ZSCAN10: variants seen among roughly 807,000 people sequenced by gnomAD.
ZSCAN10 encodes the protein zinc finger and SCAN domain-containing protein 10.
Under a neutral mutation model 63.7 loss-of-function variants are expected in ZSCAN10, and 52 were observed. The observed-to-expected ratio is 0.82, with a 90% CI of 0.65 to 1.03. The LOEUF is 1.03. ZSCAN10 is among the 50% of genes least tolerant of loss of function. The pLI is 0.00. For missense variants in ZSCAN10, 1,223 were observed against 1,103.8 expected (o/e 1.11, Z -1.53); for synonymous variants, 544 against 479.6 (o/e 1.13, Z -1.76).
intron 5 of ZSCAN10, 76 bp from the exon 6 acceptor site, chr16:3,090,722 T>G: frequency 6.9e-7 from 1 of 1,444,258 alleles, no homozygotes; most frequent in Non-Finnish European, 9.1e-7. Context: ...CTGATTGGCC[T>G]GGAAGTGGAA....
Position 3,089,832 on chromosome 16 carries a change from G to A in ZSCAN10, c.1602C>T (p.Ser534=), listed in dbSNP as rs762236567. The A allele has an allele frequency of 3.8e-6, 6 of 1,560,838 alleles. No homozygotes were observed. The highest frequency in any genetic ancestry group is 1.4e-5 in the African/African-American group (1 of 73,806). ...CCCTCCGGTGGGCCACCAGGTGCTC[G>A]CTGCGCCGGAAGGCCTTGCCGCAGT... ...CSDCGKAFRR[S]EHLVAHRRVH... The change falls in exon 6 of 6, where the codon AGC becomes AGT. Residue 534 remains serine, a synonymous_variant. Transcript: ENST00000576985.
rs1374242695 is a variant in ZSCAN10, at chr16:3,089,858, C to T, written c.1576G>A (p.Asp526Asn). The change falls in exon 6 of 6, where the codon GAC becomes AAC. Residue 526 changes from aspartate to asparagine, a missense_variant. Physicochemically the swap from Asp to Asn is conservative, Grantham distance 23. Coordinates refer to ENST00000576985, the MANE Select transcript of ZSCAN10 (RefSeq NM_032805.3). The stretch of plus-strand genomic sequence containing the variant: ...CTGCGCCGGAAGGCCTTGCCGCAGT[C>T]GCTGCACACGAAGGGCCTCCGGTCG... ...DSDRRPFVCS[D>N]CGKAFRRSEH... 9.1e-6 allele frequency: 14 copies of T among 1,541,776 alleles called. No individual in the cohort carries two copies. Among genetic ancestry groups the T allele is most frequent in the Non-Finnish European group, 1.0e-5 (12 of 1,149,274 alleles).
At chr16:3,094,445 C>A (rs985814049) in intron 1 of ZSCAN10, among the ~76,000 whole-genome samples, 2 of 152,152 alleles carry the variant, frequency 1.3e-5, no homozygotes, top group African/African-American at 4.8e-5. Flanking sequence ...TCGCGGGTTC[C>A]GGTGATTCTC....
At chr16:3,093,160 G>A in intron 1 of ZSCAN10, 156 bp from the exon 2 acceptor site, 1 of 453,742 alleles carries the variant, frequency 2.2e-6, no homozygotes, top group South Asian at 1.1e-4. Flanking sequence ...CCCGGTCTCA[G>A]GGTTACCAAC....
intron 4 of ZSCAN10, 48 bp downstream of exon 4, chr16:3,091,716 G>C: frequency 6.3e-7 from 1 of 1,592,612 alleles, no homozygotes; most frequent in Non-Finnish European, 8.6e-7. Flanking sequence ...CTACAGGGTA[G>C]AGAAGTTCCT....
chr16:3,089,183 GC>G lies in ZSCAN10; in HGVS notation c.2250del (p.Arg750SerfsTer87), dbSNP rs1567162646. The G allele has an allele frequency of 3.8e-6, 6 of 1,576,134 alleles. No individual in the cohort carries two copies. On this transcript the variant is annotated frameshift_variant, in exon 6 of 6. Coordinates refer to ENST00000576985, the MANE Select transcript of ZSCAN10 (RefSeq NM_032805.3). LOFTEE classifies it high-confidence loss of function. Reference sequence around the variant, plus strand: ...CGGCCACACTGCGTGCAGGAGTAGGGCCTGGCGCCCGTGTGCACCAGCAGGT... The same window carrying G: ...CGGCCACACTGCGTGCAGGAGTAGGGCTGGCGCCCGTGTGCACCAGCAGGT... ...LRHLLVHTGARPYSCTQCGRS... is the reference protein window; with the variant it reads ...LRHLLVHTGAXPYSCTQCGRS...
chr16:3,089,266 G>C lies in ZSCAN10; in HGVS notation c.2168C>G (p.Pro723Arg). The change falls in exon 6 of 6, where the codon CCG (proline) becomes CGG (arginine). Residue 723 changes from proline (P) to arginine (R), a missense_variant. By Grantham distance (103) the Pro-to-Arg change is moderately radical. Coordinates refer to ENST00000576985, the MANE Select transcript of ZSCAN10 (RefSeq NM_032805.3). ...AEPGQEQAEPPQECVECGKSF... is the reference protein window; with the variant it reads ...AEPGQEQAEPRQECVECGKSF... ...CTTCCCGCACTCCACGCACTCCTGC[G>C]GGGGCTCGGCCTGCTCCTGCCCGGG... 1.9e-6 allele frequency: 3 copies of C among 1,571,448 alleles called. No homozygotes were observed. The highest frequency in any genetic ancestry group is 8.6e-7 in the Non-Finnish European group (1 of 1,166,534).
At chr16:3,092,446 C>A in intron 2 of ZSCAN10, 96 bp downstream of exon 2, 2 of 1,478,548 alleles carry the variant, frequency 1.4e-6, no homozygotes, top group South Asian at 2.7e-5. Flanking sequence ...AAGGAATGGT[C>A]AGGTGGGGGA....
intron 5 of ZSCAN10, among the ~76,000 whole-genome samples, chr16:3,090,993 C>T (rs977000990): frequency 2.0e-5 from 3 of 152,036 alleles, no homozygotes; most frequent in Admixed American, 6.5e-5. Flanking sequence ...TCGATTGAAC[C>T]CGGGAGGCGG....
At position 3,089,350 on chromosome 16, in the gene ZSCAN10, C is replaced by T. The variant is rs1328557047; in HGVS notation, c.2084G>A (p.Cys695Tyr). 1 of 1,594,828 alleles carries T rather than the reference C, an allele frequency of 6.3e-7. No individual in the cohort carries two copies. The highest frequency in any genetic ancestry group is 1.1e-5 in the South Asian group (1 of 90,368). The change falls in exon 6 of 6, where the codon TGC becomes TAC. Residue 695 changes from cysteine (C) to tyrosine (Y), a missense_variant. By Grantham distance (194) the Cys-to-Tyr change is radical. Coordinates refer to ENST00000576985, the MANE Select transcript of ZSCAN10 (RefSeq NM_032805.3). The stretch of plus-strand genomic sequence containing the variant: ...CGCGTTGCGCCGGAAGCTGCGACCG[C>T]ACGTCTGACAGCTGTAGGGCCGCTC... Reference protein sequence around the residue: ...TGERPYSCQTCGRSFRRNAHL... With the variant: ...TGERPYSCQTYGRSFRRNAHL...
chr16:3,092,322 C>A lies in ZSCAN10; in HGVS notation c.397-6G>T. The A allele has an allele frequency of 1.3e-6, 2 of 1,591,482 alleles. No homozygotes were observed. Among genetic ancestry groups the A allele is most frequent in the South Asian group, 1.1e-5 (1 of 87,746 alleles). ...CCAGCATTACAACTAAAATCCTGTT[C>A]AAAACACATTCAAGTTAAGTGACTC... On this transcript the variant is annotated splice_polypyrimidine_tract_variant and splice_region_variant and intron_variant, in intron 2 of 5. Transcript: ENST00000576985.
rs1957036654 is a variant in ZSCAN10, at chr16:3,089,596, T to G, written c.1838A>C (p.Lys613Thr). ...CAGATCCTGGGTCTGGCCGAAACTC[T>G]TCCCGCACTGGGTGCAGTGGTGGGG... The part of the protein sequence containing the change: ...PRPHHCTQCG[K>T]SFGQTQDLAR... Residue 613 changes from lysine (K) to threonine (T), a missense_variant, in exon 6 of 6, where the codon AAG (lysine) becomes ACG (threonine). By Grantham distance (78) the Lys-to-Thr change is moderately conservative. Coordinates refer to ENST00000576985, the MANE Select transcript of ZSCAN10 (RefSeq NM_032805.3). The G allele has an allele frequency of 6.3e-7, 1 of 1,586,736 alleles. No homozygotes were observed. The highest frequency in any genetic ancestry group is 1.1e-5 in the South Asian group (1 of 87,814).
intron 4 of ZSCAN10, 51 bp from the exon 5 acceptor site, chr16:3,091,648 C>A: frequency 6.2e-7 from 1 of 1,612,562 alleles, no homozygotes; most frequent in Non-Finnish European, 8.5e-7. Context: ...CCTCAGGAAC[C>A]TGTGGGGACT....
At position 3,089,530 on chromosome 16, in the gene ZSCAN10, C is replaced by A; in HGVS notation, c.1904G>T (p.Arg635Leu). 1 of 1,601,754 alleles carries A rather than the reference C, an allele frequency of 6.2e-7. No homozygotes were observed. Among genetic ancestry groups the A allele is most frequent in the Non-Finnish European group, 8.5e-7 (1 of 1,175,138 alleles). ...GAAGCCCTCACCGCACTCGCTGCAG[C>A]GGCAGGGCTTCTCGCCCGTGTGGCT... ...QRSHTGEKPCRCSECGEGFSQ... is the reference protein window; with the variant it reads ...QRSHTGEKPCLCSECGEGFSQ... The change falls in exon 6 of 6, where the codon CGC (arginine) becomes CTC (leucine). Residue 635 changes from arginine to leucine, a missense_variant. Arg to Leu is a moderately radical substitution (Grantham distance 102). Coordinates refer to ENST00000576985, the MANE Select transcript of ZSCAN10 (RefSeq NM_032805.3).
chr16:3,088,965 A>C lies in ZSCAN10; in HGVS notation c.*126T>G, dbSNP rs2151213085. 7.5e-4 allele frequency: 913 copies of C among 1,216,532 alleles called. No homozygotes were observed. Among genetic ancestry groups the C allele is most frequent in the Middle Eastern group, 1.2e-3 (4 of 3,386 alleles). 75.4% of individuals were successfully genotyped at this position (1,216,532 alleles called of 1,614,324 possible). ...CAGAAAGCAATGCCTCGGCCAGGGA[A>C]GGACAGCTGTGAAAGTGGAAGGAGA... On this transcript the variant is annotated 3_prime_UTR_variant, in exon 6 of 6. Coordinates refer to ENST00000576985, the MANE Select transcript of ZSCAN10 (RefSeq NM_032805.3).
chr16:3,090,098 T>C lies in ZSCAN10; in HGVS notation c.1336A>G (p.Ser446Gly). 7 of 1,602,930 alleles carry C rather than the reference T, an allele frequency of 4.4e-6. No homozygotes were observed. Among genetic ancestry groups the C allele is most frequent in the Non-Finnish European group, 5.9e-6 (7 of 1,178,112 alleles). The part of the protein sequence containing the change: ...ECGRGFQRRA[S>G]LVQHLLAHAQ... ...TGCGCCAGCAGGTGCTGCACAAGGC[T>C]GGCGCGGCGCTGGAAGCCGCGGCCG... is the stretch of plus-strand genomic sequence containing the variant. Residue 446 changes from serine to glycine, a missense_variant, in exon 6 of 6, where the codon AGC becomes GGC. Ser to Gly is a moderately conservative substitution (Grantham distance 56, BLOSUM62 0). Coordinates refer to ENST00000576985, the MANE Select transcript of ZSCAN10 (RefSeq NM_032805.3).
At position 3,092,275 on chromosome 16, in the gene ZSCAN10, G is replaced by A. The variant is rs369037453; in HGVS notation, c.438C>T (p.Asp146=). The A allele has an allele frequency of 8.7e-5, 140 of 1,612,316 alleles. No homozygotes were observed. Among genetic ancestry groups the A allele is most frequent in the Non-Finnish European group, 1.1e-4 (134 of 1,179,568 alleles). ...CACACCCCTTTTCCTCCAAGGTGAC[G>A]TCTGCACGGGGACAACTCTTGCCAG... The part of the protein sequence containing the change: ...CNAGKSCPRA[D]VTLEEKGCAS... Residue 146 remains aspartate (D), a synonymous_variant, in exon 3 of 6, where the codon GAC becomes GAT. Coordinates refer to ENST00000576985, the MANE Select transcript of ZSCAN10 (RefSeq NM_032805.3).
At chr16:3,091,743 C>T in intron 4 of ZSCAN10, 21 bp downstream of exon 4, 2 of 1,577,784 alleles carry the variant, frequency 1.3e-6, no homozygotes, top group African/African-American at 1.4e-5. Flanking sequence ...TGAGGACACC[C>T]TGGGGTGCGG....
At chr16:3,098,495 T>C (rs1326415250) in intron 1 of ZSCAN10, among the ~76,000 whole-genome samples, 5 of 152,072 alleles carry the variant, frequency 3.3e-5, no homozygotes, top group African/African-American at 1.2e-4. Flanking sequence ...AAAATGAAGA[T>C]TCCAAATTTC....
Sources: gnomAD v4.1 joint callset for allele counts (sites outside exome capture counted in the v4.1 genomes callset) on GRCh38, gnomAD v4.1.1 for gene constraint, MANE v1.5 for transcripts, NCBI Gene and HGNC (gene_info 2026-07-23, HGNC 2026-07-21) for gene names.